The following KIAA1549 variants were observed in gnomAD, a reference collection of about 807,000 sequenced individuals.
KIAA1549 encodes UPF0606 protein KIAA1549.
Under a neutral mutation model 156.4 loss-of-function variants are expected in KIAA1549, and 70 were observed. That is an observed-to-expected ratio of 0.45 (90% CI 0.37 to 0.55). The LOEUF is 0.55. Ranked by LOEUF, KIAA1549 falls within the 20% of genes least tolerant of loss-of-function variation. The probability of loss-of-function intolerance (pLI) is 0.00; values close to 1 mark genes in which losing one functional copy is unlikely to be tolerated. For missense variants in KIAA1549, 2,428 were observed against 2,540.9 expected, an observed-to-expected ratio of 0.96 and a Z score of 0.96; for synonymous variants, 1,103 against 1,066.4, an observed-to-expected ratio of 1.03 and a Z score of -0.67.
At position 138,836,880 on chromosome 7, in the gene KIAA1549, T is replaced by G; in HGVS notation, c.*1026A>C. ...AGGGAATGTGACTGGTAGGGATGTATGTATAACAATTTCGTGGTGCTGGGA... is the reference window on the plus strand; with the variant it reads ...AGGGAATGTGACTGGTAGGGATGTAGGTATAACAATTTCGTGGTGCTGGGA... On this transcript the variant is annotated 3_prime_UTR_variant, in exon 20 of 20. Transcript: ENST00000422774. The G allele has an allele frequency of 4.4e-6, 1 of 225,900 alleles. No homozygotes were observed. Among genetic ancestry groups the G allele is most frequent in the Non-Finnish European group, 8.8e-6 (1 of 113,570 alleles). The allele number at this position is 225,900 out of a possible 1,614,324, so 14.0% of individuals were successfully genotyped here.
At chr7:138,978,438 A>G (rs1814443131) in intron 1 of KIAA1549, among the ~76,000 whole-genome samples, 1 of 152,258 alleles carries the variant, frequency 6.6e-6, no homozygotes, top group African/African-American at 2.4e-5. Flanking sequence ...AAGCATTACA[A>G]GTTGTTTCCA....
chr7:138,900,400 T>C (rs1811808018), intron 8 of KIAA1549, among the ~76,000 whole-genome samples: 1 of 152,218 alleles, frequency 6.6e-6, no homozygotes, highest in Non-Finnish European at 1.5e-5. Flanking sequence ...GAAAAGGAAG[T>C]AGATTATATC....
intron 16 of KIAA1549, among the ~76,000 whole-genome samples, chr7:138,853,505 T>G (rs920950755): frequency 6.6e-6 from 1 of 152,196 alleles, no homozygotes; most frequent in Non-Finnish European, 1.5e-5. Flanking sequence ...GGGGAAAAAG[T>G]AGAGGCTTTG....
At chr7:138,930,811 A>C (rs2130504360) in intron 1 of KIAA1549, among the ~76,000 whole-genome samples, 1 of 152,290 alleles carries the variant, frequency 6.6e-6, no homozygotes, top group South Asian at 2.1e-4. Context: ...TACTACTTTT[A>C]ATTTCCTTCA....
At position 138,917,334 on chromosome 7, in the gene KIAA1549, G is replaced by A. The variant is rs769555899; in HGVS notation, c.2292C>T (p.Ser764=). ...CGGGGGGCACCAGTGCAGTGACTGC[G>A]GATTCATGGGAAATGAGTGAAGACT... ...YLESSLISHE[S]AVTALVPPGS... is the part of the protein sequence containing the mutation. The change falls in exon 2 of 20, where the codon TCC becomes TCT. Residue 764 remains serine (S), a synonymous_variant. Coordinates refer to ENST00000422774, the MANE Select transcript of KIAA1549 (RefSeq NM_001164665.2). 2.5e-5 allele frequency: 41 copies of A among 1,613,758 alleles called. No individual in the cohort carries two copies. The highest frequency in any genetic ancestry group is 2.2e-4 in the Admixed American group (13 of 59,992).
Position 138,835,317 on chromosome 7 carries a change from G to A in KIAA1549, c.*2589C>T, listed in dbSNP as rs1006104648. On this transcript the variant is annotated 3_prime_UTR_variant, in exon 20 of 20. Transcript: ENST00000422774. ...ACCACCAGCAGAGGGCTGGTGATCC[G>A]GGGGCCTGCTCACACCACACCATAA... The A allele has an allele frequency of 3.3e-5, 7 of 214,606 alleles. No individual in the cohort carries two copies. The highest frequency in any genetic ancestry group is 1.1e-4 in the African/African-American group (5 of 44,226). 13.3% of individuals were successfully genotyped at this position (214,606 alleles called of 1,614,324 possible).
At chr7:138,961,486 G>C (rs558319038) in intron 1 of KIAA1549, among the ~76,000 whole-genome samples, 1 of 152,226 alleles carries the variant, frequency 6.6e-6, no homozygotes, top group African/African-American at 2.4e-5. Context: ...CCCCCCACAG[G>C]GACCACGGGA....
chr7:138,953,301 A>G (rs1346509665), intron 1 of KIAA1549, among the ~76,000 whole-genome samples: 1 of 152,228 alleles, frequency 6.6e-6, no homozygotes, highest in Non-Finnish European at 1.5e-5. Context: ...GGCTGCAGTG[A>G]ACTGAAATCA....
At chr7:138,850,226 G>C (rs2354332) in intron 17 of KIAA1549, among the ~76,000 whole-genome samples, 108,630 of 152,054 alleles carry the variant, frequency 0.71, 39,086 homozygotes, top group East Asian at 0.91. Flanking sequence ...CTGTGCTGCT[G>C]TTTTCTGACA....
chr7:138,953,130 T>C (rs529976590), intron 1 of KIAA1549, among the ~76,000 whole-genome samples: 399 of 152,226 alleles, frequency 2.6e-3, no homozygotes, highest in African/African-American at 9.0e-3. Flanking sequence ...CCGAGGCAGG[T>C]GGATCACCTG....
intron 9 of KIAA1549, among the ~76,000 whole-genome samples, chr7:138,896,481 T>C (rs1336752760): frequency 1.3e-5 from 2 of 152,192 alleles, no homozygotes; most frequent in Non-Finnish European, 2.9e-5. Context: ...ATATAGTTAA[T>C]ATATGTAGCT....
At chr7:138,863,516 A>T (rs1810649018) in intron 15 of KIAA1549, among the ~76,000 whole-genome samples, 1 of 152,034 alleles carries the variant, frequency 6.6e-6, no homozygotes, top group South Asian at 2.1e-4. Context: ...CAAAACTAGT[A>T]ACCCCACAGT....
intron 7 of KIAA1549, 21 bp from the exon 8 acceptor site, chr7:138,903,757 A>T: frequency 6.4e-7 from 1 of 1,554,014 alleles, no homozygotes; most frequent in African/African-American, 1.4e-5. Context: ...ATGAAAACAT[A>T]CGTGGCACCC....
intron 12 of KIAA1549, among the ~76,000 whole-genome samples, chr7:138,872,913 G>A (rs565695837): frequency 1.3e-5 from 2 of 151,848 alleles, no homozygotes; most frequent in Admixed American, 6.6e-5. Flanking sequence ...CCCAACCCCC[G>A]CCAAAAAAAG....
In KIAA1549 at chr7:138,905,085, CA is replaced by C. The variant is rs764201410; in HGVS notation, c.3461-5del. 2 of 1,565,944 alleles carry C rather than the reference CA, an allele frequency of 1.3e-6. No individual in the cohort carries two copies. The highest frequency in any genetic ancestry group is 2.3e-5 in the South Asian group (2 of 85,108). ...TTGAGCTGTGGATACTGGAAGGCTA[CA>C]AAAGGGAAAGAATTAGGGAAGGAGA... is the stretch of plus-strand genomic sequence containing the variant. On this transcript the variant is annotated splice_polypyrimidine_tract_variant and splice_region_variant and intron_variant, in intron 6 of 19. Coordinates refer to ENST00000422774, the MANE Select transcript of KIAA1549 (RefSeq NM_001164665.2).
chr7:138,945,697 C>T (rs1813316929), intron 1 of KIAA1549, among the ~76,000 whole-genome samples: 2 of 152,244 alleles, frequency 1.3e-5, no homozygotes, highest in Admixed American at 1.3e-4. Flanking sequence ...AGAACGCTAA[C>T]ACTTTTTTTA....
intron 1 of KIAA1549, among the ~76,000 whole-genome samples, chr7:138,934,116 A>G (rs1369073393): frequency 2.0e-5 from 3 of 152,198 alleles, no homozygotes; most frequent in Non-Finnish European, 4.4e-5. Flanking sequence ...GGGTGACTCA[A>G]ATGACATCAA....
At chr7:138,898,709 T>C (rs550404964) in intron 9 of KIAA1549, among the ~76,000 whole-genome samples, 1 of 152,352 alleles carries the variant, frequency 6.6e-6, no homozygotes, top group South Asian at 2.1e-4. Context: ...GTTGATGTAC[T>C]ATAAATCATT....
At chr7:138,867,003 A>G (rs904351288) in intron 15 of KIAA1549, among the ~76,000 whole-genome samples, 2 of 151,832 alleles carry the variant, frequency 1.3e-5, no homozygotes, top group South Asian at 4.2e-4. Context: ...GGGTTTCGCT[A>G]TATTGCCCAG....
Sources: gnomAD v4.1 joint callset for allele counts (sites outside exome capture counted in the v4.1 genomes callset) on GRCh38, gnomAD v4.1.1 for gene constraint, MANE v1.5 for transcripts, NCBI Gene and HGNC (gene_info 2026-07-23, HGNC 2026-07-21) for gene names.